Variants in IGSF11 observed in about 807,000 individuals in gnomAD.
IGSF11 encodes immunoglobulin superfamily member 11.
In IGSF11, 22 loss-of-function variants were observed where a neutral mutation model predicts 41.0. That is an observed-to-expected ratio of 0.54 (90% CI 0.38 to 0.77). The LOEUF is 0.77. IGSF11 is among the 30% of genes least tolerant of loss of function. The pLI, the probability that IGSF11 is intolerant of heterozygous loss-of-function variation, is 0.00. For synonymous variants in IGSF11, 219 were observed against 201.3 expected, an observed-to-expected ratio of 1.09 and a Z score of -0.74; for missense variants, 444 against 530.8, an observed-to-expected ratio of 0.84 and a Z score of 1.61.
At chr3:119,055,019 C>T (rs1217776656) in intron 1 of IGSF11, among the ~76,000 whole-genome samples, 1 of 152,148 alleles carries the variant, frequency 6.6e-6, no homozygotes, top group Non-Finnish European at 1.5e-5. Flanking sequence ...TGGCGGTTCA[C>T]CAATATCCGT....
intron 1 of IGSF11, among the ~76,000 whole-genome samples, chr3:119,142,874 A>G (rs1352390524): frequency 6.6e-6 from 1 of 152,228 alleles, no homozygotes. Flanking sequence ...GATTCCTCAC[A>G]TATTAAGATA....
intron 4 of IGSF11, among the ~76,000 whole-genome samples, chr3:118,921,914 A>G (rs1941834016): frequency 1.3e-5 from 2 of 152,122 alleles, no homozygotes. Flanking sequence ...AATCATCATG[A>G]TGCCCAACTT....
intron 1 of IGSF11, among the ~76,000 whole-genome samples, chr3:119,131,864 C>T (rs1419283261): frequency 6.6e-6 from 1 of 152,154 alleles, no homozygotes; most frequent in Non-Finnish European, 1.5e-5. Context: ...TGGCCAAAAC[C>T]CTACAAGCCA....
chr3:119,012,643 C>G (rs1938261138), intron 1 of IGSF11: 1 of 152,120 alleles, frequency 6.6e-6, no homozygotes, highest in Non-Finnish European at 1.5e-5. Flanking sequence ...AACATTTTTT[C>G]CCTTCATACA....
intron 1 of IGSF11, among the ~76,000 whole-genome samples, chr3:119,003,118 T>A (rs199677224): frequency 1.5e-5 from 2 of 136,304 alleles, no homozygotes; most frequent in Non-Finnish European, 3.0e-5. Context: ...TGGAATGTTC[T>A]TCCATTTGTT....
intron 1 of IGSF11, among the ~76,000 whole-genome samples, chr3:119,054,311 T>C (rs1163196060): frequency 6.6e-6 from 1 of 151,952 alleles, no homozygotes; most frequent in Non-Finnish European, 1.5e-5. Flanking sequence ...ATCTAGAATC[T>C]ACAAGGAATT....
intron 1 of IGSF11, among the ~76,000 whole-genome samples, chr3:119,059,076 T>C (rs1217715754): frequency 6.6e-6 from 1 of 151,906 alleles, no homozygotes; most frequent in Non-Finnish European, 1.5e-5. Flanking sequence ...TATACATATG[T>C]AACAAACCTG....
intron 1 of IGSF11, among the ~76,000 whole-genome samples, chr3:119,114,532 T>C (rs546277829): frequency 1.3e-5 from 2 of 152,330 alleles, no homozygotes; most frequent in South Asian, 4.1e-4. Flanking sequence ...ACAAAAGTGA[T>C]CTTTGCTACA....
At chr3:118,951,648 C>G (rs1436734462) in intron 1 of IGSF11, among the ~76,000 whole-genome samples, 1 of 152,076 alleles carries the variant, frequency 6.6e-6, no homozygotes, top group Non-Finnish European at 1.5e-5. Context: ...ATTAGTTCAA[C>G]CCATCAGTAT....
intron 1 of IGSF11, chr3:118,983,364 A>C (rs1934937382): frequency 6.6e-6 from 1 of 152,182 alleles, no homozygotes; most frequent in Non-Finnish European, 1.5e-5. Context: ...AAATCTAAGA[A>C]GTGTGCTCCA....
At chr3:118,970,348 G>C (rs578047328) in intron 1 of IGSF11, among the ~76,000 whole-genome samples, 16 of 152,112 alleles carry the variant, frequency 1.1e-4, no homozygotes, top group African/African-American at 2.4e-5. Context: ...AACTCCAATT[G>C]TTACCACATA....
chr3:118,910,734 A>G (rs535214791), intron 4 of IGSF11, among the ~76,000 whole-genome samples: 1 of 152,260 alleles, frequency 6.6e-6, no homozygotes, highest in African/African-American at 2.4e-5. Flanking sequence ...CCTTTATGTC[A>G]GCTTCACAGA....
chr3:118,980,599 T>C (rs1934615815), intron 1 of IGSF11, among the ~76,000 whole-genome samples: 2 of 152,168 alleles, frequency 1.3e-5, no homozygotes, highest in African/African-American at 4.8e-5. Context: ...AAGGAATATG[T>C]TCGAATGTTT....
At chr3:118,990,049 T>G (rs1935639852) in intron 1 of IGSF11, among the ~76,000 whole-genome samples, 1 of 152,086 alleles carries the variant, frequency 6.6e-6, no homozygotes, top group Non-Finnish European at 1.5e-5. Context: ...TGAGGCACAG[T>G]AATAAACAGT....
intron 1 of IGSF11, among the ~76,000 whole-genome samples, chr3:119,085,853 A>T (rs2076661911): frequency 6.6e-6 from 1 of 152,228 alleles, no homozygotes; most frequent in Non-Finnish European, 1.5e-5. Context: ...TGGCATCTTG[A>T]AAAAAGAATC....
chr3:119,007,448 T>C (rs1206949494), intron 1 of IGSF11, among the ~76,000 whole-genome samples: 1 of 151,956 alleles, frequency 6.6e-6, no homozygotes, highest in Non-Finnish European at 1.5e-5. Context: ...CTGGGAGCTG[T>C]AGACCGGAGC....
chr3:118,943,370 C>A, intron 1 of IGSF11, among the ~76,000 whole-genome samples: 1 of 152,082 alleles, frequency 6.6e-6, no homozygotes, highest in South Asian at 2.1e-4. Flanking sequence ...TCTTAATGCC[C>A]TAAGCATTAT....
intron 1 of IGSF11, among the ~76,000 whole-genome samples, chr3:118,972,752 C>T (rs569432890): frequency 6.6e-6 from 1 of 152,158 alleles, no homozygotes; most frequent in African/African-American, 2.4e-5. Context: ...GATATGTAGC[C>T]CAGGGTTTCA....
In IGSF11 at chr3:119,029,512, G is replaced by A. The variant is rs1343093944; in HGVS notation, c.52+5019C>T. Among the ~76,000 whole-genome samples the A allele has an allele frequency of 2.6e-5, 4 of 152,082 alleles. No homozygotes were observed. In the East Asian group the frequency reaches 7.7e-4, roughly 29 times the overall value. On this transcript the variant is annotated intron_variant, in intron 1 of 6. Coordinates refer to ENST00000393775, the MANE Select transcript of IGSF11 (RefSeq NM_001015887.3). ...TTGAAATGGGTAGAGCTGAATAACTGGAAAGAACCAGGACTGGATTTATTA... is the reference window on the plus strand; with the variant it reads ...TTGAAATGGGTAGAGCTGAATAACTAGAAAGAACCAGGACTGGATTTATTA...
Sources: gnomAD v4.1 joint callset for allele counts (sites outside exome capture counted in the v4.1 genomes callset) on GRCh38, gnomAD v4.1.1 for gene constraint, MANE v1.5 for transcripts, NCBI Gene and HGNC (gene_info 2026-07-23, HGNC 2026-07-21) for gene names.